NALF1: variants seen among roughly 807,000 people sequenced by gnomAD.
NALF1 encodes the protein NALCN channel auxiliary factor 1, also known as family with sequence similarity 155 member A.
In NALF1, 3 loss-of-function variants were observed where a neutral mutation model predicts 48.4. That is an observed-to-expected ratio of 0.06 (90% CI 0.03 to 0.16). The LOEUF is 0.16. Ranked by LOEUF, NALF1 falls within the 10% of genes least tolerant of loss-of-function variation. NALF1 has a pLI of 1.00. For missense variants in NALF1, 526 were observed against 571.5 expected, an observed-to-expected ratio of 0.92 and a Z score of 0.81; for synonymous variants, 262 against 245.7, an observed-to-expected ratio of 1.07 and a Z score of -0.62.
chr13:107,237,589 T>G (rs75350192), intron 1 of NALF1, among the ~76,000 whole-genome samples: 8,430 of 152,262 alleles, frequency 0.055, 277 homozygotes, highest in Non-Finnish European at 0.062. Context: ...CCTAATACAA[T>G]GTAAATGCTA....
At chr13:107,762,460 T>A (rs2138562529) in intron 1 of NALF1, among the ~76,000 whole-genome samples, 1 of 151,944 alleles carries the variant, frequency 6.6e-6, no homozygotes, top group South Asian at 2.1e-4. Context: ...AGGAAGAAAA[T>A]AATCACACAA....
At chr13:107,829,831 A>C (rs900513513) in intron 1 of NALF1, among the ~76,000 whole-genome samples, 5 of 152,180 alleles carry the variant, frequency 3.3e-5, no homozygotes, top group Admixed American at 6.5e-5. Context: ...TTGTAATAGG[A>C]GGGTACATAC....
chr13:107,460,073 G>A (rs972594080), intron 1 of NALF1, among the ~76,000 whole-genome samples: 1 of 152,166 alleles, frequency 6.6e-6, no homozygotes, highest in African/African-American at 2.4e-5. Context: ...TTCTTTCTGT[G>A]CATGTGAACT....
chr13:107,300,882 C>T (rs1198083049), intron 1 of NALF1, among the ~76,000 whole-genome samples: 2 of 152,216 alleles, frequency 1.3e-5, no homozygotes, highest in African/African-American at 4.8e-5. Flanking sequence ...TCCCTCAAAG[C>T]TGGAAGAAGA....
At chr13:107,795,221 G>A (rs984231094) in intron 1 of NALF1, among the ~76,000 whole-genome samples, 1 of 151,990 alleles carries the variant, frequency 6.6e-6, no homozygotes, top group Non-Finnish European at 1.5e-5. Context: ...GCTAAATTTA[G>A]GTCAATCTCA....
At chr13:107,766,421 G>A (rs1220766941) in intron 1 of NALF1, among the ~76,000 whole-genome samples, 1 of 152,126 alleles carries the variant, frequency 6.6e-6, no homozygotes, top group Non-Finnish European at 1.5e-5. Context: ...ACAGGATTAG[G>A]TCACCAGAAA....
At chr13:107,349,726 C>T (rs1176429573) in intron 1 of NALF1, among the ~76,000 whole-genome samples, 4 of 137,144 alleles carry the variant, frequency 2.9e-5, no homozygotes, top group African/African-American at 5.7e-5. Context: ...GGCGACAGAG[C>T]GAGAATACGT....
At chr13:107,840,904 T>C (rs958183759) in intron 1 of NALF1, among the ~76,000 whole-genome samples, 2 of 152,172 alleles carry the variant, frequency 1.3e-5, no homozygotes, top group Non-Finnish European at 2.9e-5. Context: ...TATTATTTGA[T>C]TTAAAAGCTA....
At chr13:107,774,273 C>T (rs1305514523) in intron 1 of NALF1, among the ~76,000 whole-genome samples, 2 of 152,170 alleles carry the variant, frequency 1.3e-5, no homozygotes. Flanking sequence ...ACATTTTTCT[C>T]AATGGTTTAC....
chr13:107,754,840 A>G lies in NALF1; in HGVS notation c.915+110842T>C, dbSNP rs11839262. The stretch of plus-strand genomic sequence containing the variant: ...AAGAACAATGCCTTCACATACCCAC[A>G]CTATTAGAAAGGAGAGAAGAAATTG... On this transcript the variant is annotated intron_variant, in intron 1 of 2. Coordinates refer to ENST00000375915, the MANE Select transcript of NALF1 (RefSeq NM_001080396.3). 9.2e-3 allele frequency among the ~76,000 whole-genome samples: 1,404 copies of G among 152,272 alleles called. 26 individuals carry two copies. Among genetic ancestry groups the G allele is most frequent in the African/African-American group, 0.03 (1,237 of 41,556 alleles).
intron 1 of NALF1, among the ~76,000 whole-genome samples, chr13:107,833,939 T>G (rs1879815621): frequency 6.6e-6 from 1 of 152,130 alleles, no homozygotes; most frequent in East Asian, 1.9e-4. Context: ...ATGGAAACTT[T>G]GAGGAAGAAA....
At chr13:107,173,472 T>G (rs1003051077) in intron 2 of NALF1, among the ~76,000 whole-genome samples, 2 of 152,160 alleles carry the variant, frequency 1.3e-5, no homozygotes, top group African/African-American at 2.4e-5. Flanking sequence ...CTCTTCTAAC[T>G]CATTCAACCC....
intron 1 of NALF1, among the ~76,000 whole-genome samples, chr13:107,739,113 A>G (rs573131646): frequency 3.9e-5 from 6 of 152,168 alleles, no homozygotes; most frequent in Admixed American, 3.9e-4. Context: ...GAACAATGAG[A>G]ACACACGGAC....
intron 2 of NALF1, among the ~76,000 whole-genome samples, chr13:107,207,378 T>C (rs897864491): frequency 6.6e-6 from 1 of 152,212 alleles, no homozygotes. Context: ...TAAAAATCCG[T>C]GTACATTTGT....
chr13:107,288,672 C>T (rs1219536326), intron 1 of NALF1, among the ~76,000 whole-genome samples: 3 of 151,584 alleles, frequency 2.0e-5, no homozygotes, highest in East Asian at 3.9e-4. Context: ...GCTGGAATTA[C>T]AGGTGCCTGC....
At chr13:107,406,272 T>C (rs2138996449) in intron 1 of NALF1, among the ~76,000 whole-genome samples, 1 of 152,142 alleles carries the variant, frequency 6.6e-6, no homozygotes, top group South Asian at 2.1e-4. Flanking sequence ...GATTAAACTT[T>C]CCAATCAAAA....
chr13:107,327,893 C>G (rs913681314), intron 1 of NALF1, among the ~76,000 whole-genome samples: 3 of 151,976 alleles, frequency 2.0e-5, no homozygotes, highest in African/African-American at 4.8e-5. Flanking sequence ...CCTAGTTATC[C>G]TTCAGATCTC....
chr13:107,435,454 C>T (rs981614893), intron 1 of NALF1, among the ~76,000 whole-genome samples: 2 of 152,088 alleles, frequency 1.3e-5, no homozygotes, highest in African/African-American at 2.4e-5. Context: ...TTTCTCTCAG[C>T]GGTGAATCTG....
chr13:107,853,305 A>G (rs373371054), intron 1 of NALF1, among the ~76,000 whole-genome samples: 2 of 152,364 alleles, frequency 1.3e-5, no homozygotes, highest in East Asian at 3.9e-4. Flanking sequence ...TCATTTCCTT[A>G]TCAGTGATTT....
Sources: allele counts gnomAD v4.1 joint callset (sites outside exome capture counted in the v4.1 genomes callset), GRCh38; gene constraint gnomAD v4.1.1; transcripts MANE v1.5; gene names NCBI Gene and HGNC (gene_info 2026-07-23, HGNC 2026-07-21).